EPHA3: variants seen among roughly 807,000 people sequenced by gnomAD.
EPHA3 encodes ephrin type-A receptor 3.
In EPHA3, 42 loss-of-function variants were observed where a neutral mutation model predicts 107.1. That is an observed-to-expected ratio of 0.39 (90% CI 0.31 to 0.51). The LOEUF (loss-of-function observed/expected upper bound fraction) is 0.51. EPHA3 is among the 20% of genes least tolerant of loss of function. The pLI, the probability that EPHA3 is intolerant of heterozygous loss-of-function variation, is 0.78. For synonymous variants in EPHA3, 461 were observed against 424.8 expected, an observed-to-expected ratio of 1.09 and a Z score of -1.05; for missense variants, 1,183 against 1,211.2, an observed-to-expected ratio of 0.98 and a Z score of 0.35.
At chr3:89,371,579 GCCAGGGCCACCTCCAGT>G (rs1323207466) in intron 5 of EPHA3, among the ~76,000 whole-genome samples, 24 of 151,738 alleles carry the variant, frequency 1.6e-4, no homozygotes, top group African/African-American at 5.3e-4. Flanking sequence ...CTGACTGTCA[GCCAGGGCCACCTCCAGT>G]TCAGTAATAC....
rs138828653 is a variant in EPHA3, at chr3:89,209,726, T to A, written c.154-134T>A. ...CCATTAACTCAGAGAACCTTGCAAA[T>A]AAAAACTACAAACAAGAATGTTTTT... On this transcript the variant is annotated intron_variant, in intron 2 of 16. Coordinates refer to ENST00000336596, the MANE Select transcript of EPHA3 (RefSeq NM_005233.6). 3.6e-3 allele frequency: 2,723 copies of A among 763,078 alleles called. 20 individuals carry two copies. The highest frequency in any genetic ancestry group is 0.023 in the African/African-American group (1,323 of 56,714). 47.3% of individuals were successfully genotyped at this position (763,078 alleles called of 1,614,324 possible). A position where few individuals can be genotyped will look rare whatever the true frequency, so the allele number is the denominator to read the frequency against.
At chr3:89,256,872 G>A (rs781611124) in intron 3 of EPHA3, among the ~76,000 whole-genome samples, 5 of 152,142 alleles carry the variant, frequency 3.3e-5, no homozygotes, top group Admixed American at 6.5e-5. Context: ...GAATCTATAG[G>A]AATCTTAATA....
chr3:89,240,276 G>A (rs1028427128), intron 3 of EPHA3, among the ~76,000 whole-genome samples: 1 of 152,150 alleles, frequency 6.6e-6, no homozygotes, highest in Non-Finnish European at 1.5e-5. Flanking sequence ...ATTTCTGTAA[G>A]TCCTCCAGTA....
chr3:89,206,040 T>C (rs1196814380), intron 2 of EPHA3, among the ~76,000 whole-genome samples: 3 of 152,226 alleles, frequency 2.0e-5, no homozygotes, highest in Non-Finnish European at 4.4e-5. Flanking sequence ...TTATTTCTAC[T>C]GTCTTTAGTC....
intron 2 of EPHA3, among the ~76,000 whole-genome samples, chr3:89,207,323 A>G (rs962417860): frequency 6.6e-6 from 1 of 152,160 alleles, no homozygotes; most frequent in Non-Finnish European, 1.5e-5. Flanking sequence ...AAAACTAGGG[A>G]CTGCTGAAGG....
intron 2 of EPHA3, among the ~76,000 whole-genome samples, chr3:89,170,738 G>A (rs1228797173): frequency 6.6e-6 from 1 of 152,054 alleles, no homozygotes; most frequent in Admixed American, 6.6e-5. Flanking sequence ...AGAAACACTT[G>A]GGGATTTTGA....
At chr3:89,177,721 C>T (rs1291391253) in intron 2 of EPHA3, among the ~76,000 whole-genome samples, 1 of 152,204 alleles carries the variant, frequency 6.6e-6, no homozygotes, top group African/African-American at 2.4e-5. Flanking sequence ...ACTGTTTTAT[C>T]AAATCACTCT....
At position 89,399,425 on chromosome 3, in the gene EPHA3, A is replaced by AGCCT. The variant is rs761824720; in HGVS notation, c.1542_1543insTGCC (p.Ala515CysfsTer12). The AGCCT allele has an allele frequency of 6.2e-7, 1 of 1,614,166 alleles. No homozygotes were observed. The highest frequency in any genetic ancestry group is 2.2e-5 in the East Asian group (1 of 44,866). On this transcript the variant is annotated frameshift_variant, in exon 7 of 17. Transcript: ENST00000336596. LOFTEE classifies it high-confidence loss of function. ...ACGTATTCCAAATCCGAGCCCGAAC[A>AGCCT]GCCGCTGGATATGGGACGAACAGCC...
chr3:89,389,539 A>G (rs1395343283), intron 5 of EPHA3, among the ~76,000 whole-genome samples: 1 of 152,206 alleles, frequency 6.6e-6, no homozygotes, highest in Admixed American at 6.5e-5. Flanking sequence ...AAATTCCCAA[A>G]TCTAGAAAGA....
rs1358882836 is a variant in EPHA3 at position 89,479,668 on chromosome 3, T to G, written c.*166T>G. On this transcript the variant is annotated 3_prime_UTR_variant, in exon 17 of 17. Transcript: ENST00000336596. ...AAAATGGAATTGAAAAACTCTTTATTTTCCCCTATCATTTATTGGATGGGT... is the reference window on the plus strand; with the variant it reads ...AAAATGGAATTGAAAAACTCTTTATGTTCCCCTATCATTTATTGGATGGGT... 2.0e-5 allele frequency: 11 copies of G among 554,874 alleles called. No individual in the cohort carries two copies. The highest frequency in any genetic ancestry group is 2.6e-5 in the Non-Finnish European group (8 of 311,580). 34.4% of individuals were successfully genotyped at this position (554,874 alleles called of 1,614,324 possible).
chr3:89,427,879 C>G (rs1254736733), intron 11 of EPHA3, among the ~76,000 whole-genome samples: 5 of 151,718 alleles, frequency 3.3e-5, no homozygotes, highest in Admixed American at 3.3e-4. Context: ...ACCAGTATTT[C>G]TTTTATATCA....
intron 3 of EPHA3, among the ~76,000 whole-genome samples, chr3:89,256,137 GCTA>G (rs1255436800): frequency 2.0e-5 from 3 of 152,020 alleles, no homozygotes; most frequent in African/African-American, 7.2e-5. Flanking sequence ...TGTAGTCCCA[GCTA>G]CTCGGGAGGC....
intron 3 of EPHA3, among the ~76,000 whole-genome samples, chr3:89,277,800 A>G (rs914309925): frequency 3.3e-5 from 5 of 152,138 alleles, no homozygotes; most frequent in African/African-American, 7.2e-5. Context: ...TTCCCTATGC[A>G]TTAGCTAATA....
In EPHA3 at chr3:89,124,838, T is replaced by G. The variant is rs375149071; in HGVS notation, c.89-2371T>G. Reference sequence around the variant, plus strand: ...ATGCTGAATAGAGTGCACTAAAAATTTAATTTCTGAGTAAATGCAATAAAT... The same window carrying G: ...ATGCTGAATAGAGTGCACTAAAAATGTAATTTCTGAGTAAATGCAATAAAT... On this transcript the variant is annotated intron_variant, in intron 1 of 16. Transcript: ENST00000336596. Among the ~76,000 whole-genome samples the G allele has an allele frequency of 3.9e-5, 6 of 152,094 alleles. No individual in the cohort carries two copies. The South Asian group carries it at 6.2e-4, about 16-fold the overall frequency.
chr3:89,415,309 A>G (rs1709224128), intron 10 of EPHA3, among the ~76,000 whole-genome samples: 1 of 150,746 alleles, frequency 6.6e-6, no homozygotes, highest in African/African-American at 2.4e-5. Context: ...TGGTATATAC[A>G]TTTACCTACT....
chr3:89,117,183 GT>G (rs1171167974), intron 1 of EPHA3, among the ~76,000 whole-genome samples: 2 of 151,954 alleles, frequency 1.3e-5, no homozygotes, highest in African/African-American at 2.4e-5. Context: ...GTTAATATAG[GT>G]TTTTTCAATT....
chr3:89,205,381 A>C (rs1360974366), intron 2 of EPHA3, among the ~76,000 whole-genome samples: 2 of 152,200 alleles, frequency 1.3e-5, no homozygotes, highest in East Asian at 1.9e-4. Flanking sequence ...TTCAGTGACA[A>C]GGAACTGTGC....
At chr3:89,400,354 T>G in intron 7 of EPHA3, 9 of 154,274 alleles carry the variant, frequency 5.8e-5, no homozygotes, top group East Asian at 1.9e-4. Flanking sequence ...AGGCGGCCGC[T>G]ACCATGCCCG....
At chr3:89,297,693 T>A (rs1447216189) in intron 3 of EPHA3, among the ~76,000 whole-genome samples, 1 of 152,154 alleles carries the variant, frequency 6.6e-6, no homozygotes. Flanking sequence ...CACAAACCTT[T>A]GGTTTGCAAA....
Sources: allele counts gnomAD v4.1 joint callset (sites outside exome capture counted in the v4.1 genomes callset), GRCh38; gene constraint gnomAD v4.1.1; transcripts MANE v1.5; gene names NCBI Gene and HGNC (gene_info 2026-07-23, HGNC 2026-07-21).